Variants in GFRA1 observed in about 807,000 individuals in gnomAD.
GFRA1 encodes the protein GDNF family receptor alpha-1.
In GFRA1, 16 loss-of-function variants were observed where a neutral mutation model predicts 51.6. The ratio of observed to expected loss-of-function variants is 0.31; its 90% CI spans 0.21 to 0.47. GFRA1 has a LOEUF of 0.47. GFRA1 is among the 20% of genes least tolerant of loss of function. The pLI is 1.00. For missense variants in GFRA1, 530 were observed against 594.3 expected, an observed-to-expected ratio of 0.89 and a Z score of 1.13; for synonymous variants, 270 against 241.3, an observed-to-expected ratio of 1.12 and a Z score of -1.10.
At chr10:116,229,439 C>G (rs2134552907) in intron 4 of GFRA1, among the ~76,000 whole-genome samples, 1 of 152,188 alleles carries the variant, frequency 6.6e-6, no homozygotes, top group South Asian at 2.1e-4. Flanking sequence ...TCTTGTAGGC[C>G]CTACAGAATC....
intron 5 of GFRA1, among the ~76,000 whole-genome samples, chr10:116,172,117 C>T (rs1961087162): frequency 1.3e-5 from 2 of 152,130 alleles, no homozygotes; most frequent in African/African-American, 4.8e-5. Context: ...TAAATGTTCC[C>T]AATTCTATCA....
At chr10:116,233,340 A>T (rs184522035) in intron 4 of GFRA1, among the ~76,000 whole-genome samples, 15,196 of 151,956 alleles carry the variant, frequency 0.1, 761 homozygotes, top group Non-Finnish European at 0.11. Flanking sequence ...AAAAAAAAAA[A>T]ATTTTTTAAT....
intron 5 of GFRA1, among the ~76,000 whole-genome samples, chr10:116,201,995 G>A (rs996724963): frequency 6.6e-6 from 1 of 152,132 alleles, no homozygotes; most frequent in African/African-American, 2.4e-5. Context: ...ACGAACATAC[G>A]AGAAGCATGT....
At chr10:116,238,527 T>C (rs998250667) in intron 4 of GFRA1, among the ~76,000 whole-genome samples, 16 of 152,216 alleles carry the variant, frequency 1.1e-4, no homozygotes, top group Non-Finnish European at 2.2e-4. Flanking sequence ...ATGGAATTTC[T>C]AGAGAACAAG....
At chr10:116,197,091 T>C (rs780194422) in intron 5 of GFRA1, among the ~76,000 whole-genome samples, 6 of 151,954 alleles carry the variant, frequency 3.9e-5, no homozygotes, top group Non-Finnish European at 7.4e-5. Context: ...GATGATTTCC[T>C]CTCAAGATCC....
chr10:116,256,883 T>C (rs1968901526), intron 4 of GFRA1, among the ~76,000 whole-genome samples: 1 of 149,886 alleles, frequency 6.7e-6, no homozygotes, highest in Non-Finnish European at 1.5e-5. Context: ...TGAGAAAGGC[T>C]GGACAGCACC....
At chr10:116,080,364 G>GAGA (rs1369789260) in intron 9 of GFRA1, among the ~76,000 whole-genome samples, 1 of 152,136 alleles carries the variant, frequency 6.6e-6, no homozygotes, top group African/African-American at 2.4e-5. Context: ...GCTTCCTTAT[G>GAGA]AGAAGTTTCA....
chr10:116,178,946 G>A (rs1016125618), intron 5 of GFRA1, among the ~76,000 whole-genome samples: 6 of 152,136 alleles, frequency 3.9e-5, no homozygotes, highest in African/African-American at 1.4e-4. Context: ...ACCTGCTTCA[G>A]GAGCCTGGAG....
At chr10:116,210,448 T>C (rs1402490123) in intron 5 of GFRA1, among the ~76,000 whole-genome samples, 1 of 152,226 alleles carries the variant, frequency 6.6e-6, no homozygotes, top group Non-Finnish European at 1.5e-5. Flanking sequence ...CAACAGGCCC[T>C]GACAGCAGCA....
intron 5 of GFRA1, among the ~76,000 whole-genome samples, chr10:116,142,780 C>T (rs1030554883): frequency 6.6e-6 from 1 of 151,962 alleles, no homozygotes; most frequent in African/African-American, 2.4e-5. Flanking sequence ...GTAGAAAACC[C>T]ATATTTATCT....
chr10:116,274,364 C>T (rs994194321), upstream of GFRA1, among the ~76,000 whole-genome samples: 1 of 152,200 alleles, frequency 6.6e-6, no homozygotes, highest in East Asian at 1.9e-4. Context: ...ATCTGCAAAC[C>T]TATCACGCCA....
chr10:116,164,825 G>A (rs958179150), intron 5 of GFRA1, among the ~76,000 whole-genome samples: 11 of 152,082 alleles, frequency 7.2e-5, no homozygotes, highest in Admixed American at 3.3e-4. Context: ...CCCTGAAGCC[G>A]GCCCTCGTTT....
chr10:116,153,988 C>A (rs370171665), intron 5 of GFRA1, among the ~76,000 whole-genome samples: 1 of 152,096 alleles, frequency 6.6e-6, no homozygotes, highest in Non-Finnish European at 1.5e-5. Flanking sequence ...AAGAAACATG[C>A]AGAAATGTGC....
intron 5 of GFRA1, among the ~76,000 whole-genome samples, chr10:116,195,708 T>A (rs1233297800): frequency 6.6e-6 from 1 of 152,210 alleles, no homozygotes; most frequent in Admixed American, 6.5e-5. Flanking sequence ...GAGGACAAAC[T>A]GATTGCTATA....
chr10:116,253,516 G>A (rs563345548), intron 4 of GFRA1, among the ~76,000 whole-genome samples: 1 of 152,142 alleles, frequency 6.6e-6, no homozygotes, highest in Non-Finnish European at 1.5e-5. Context: ...GCTGAGGCAG[G>A]AGAATCGTGT....
At chr10:116,176,240 T>C (rs1961583463) in intron 5 of GFRA1, among the ~76,000 whole-genome samples, 1 of 152,224 alleles carries the variant, frequency 6.6e-6, no homozygotes, top group Non-Finnish European at 1.5e-5. Context: ...CTTGGGAAGA[T>C]GGAACAAAAG....
chr10:116,202,167 A>G (rs900722746), intron 5 of GFRA1, among the ~76,000 whole-genome samples: 1 of 152,118 alleles, frequency 6.6e-6, no homozygotes, highest in Admixed American at 6.5e-5. Flanking sequence ...TAGGAGCTCA[A>G]TCGGGTGTGG....
chr10:116,060,208 G>A lies in GFRA1; in HGVS notation c.*4190C>T, dbSNP rs923564087. ...AAAACAAATGGTCACTTGAGAAGCA[G>A]AGCCGTGTCAAAGCCAAGAGGTGTC... On this transcript the variant is annotated 3_prime_UTR_variant, in exon 11 of 11. Transcript: ENST00000355422. The A allele has an allele frequency of 2.0e-5, 3 of 152,198 alleles. No individual in the cohort carries two copies. Among genetic ancestry groups the A allele is most frequent in the African/African-American group, 7.2e-5 (3 of 41,440 alleles). 9.4% of individuals were successfully genotyped at this position (152,198 alleles called of 1,614,324 possible). A position where few individuals can be genotyped will look rare whatever the true frequency, so the allele number is the denominator to read the frequency against.
At chr10:116,231,518 C>T (rs796617836) in intron 4 of GFRA1, among the ~76,000 whole-genome samples, 2 of 152,108 alleles carry the variant, frequency 1.3e-5, no homozygotes, top group Non-Finnish European at 1.5e-5. Flanking sequence ...ATTATATAAT[C>T]GATACAAAGC....
Sources: gnomAD v4.1 joint callset for allele counts (sites outside exome capture counted in the v4.1 genomes callset) on GRCh38, gnomAD v4.1.1 for gene constraint, MANE v1.5 for transcripts, NCBI Gene and HGNC (gene_info 2026-07-23, HGNC 2026-07-21) for gene names.